EHMT1: variants seen among roughly 807,000 people sequenced by gnomAD.
EHMT1 encodes histone-lysine N-methyltransferase EHMT1.
Under a neutral mutation model 147.2 loss-of-function variants are expected in EHMT1, and 15 were observed. The ratio of observed to expected loss-of-function variants is 0.10; its 90% CI spans 0.07 to 0.16. EHMT1 has a LOEUF of 0.16. Among genes scored for constraint, EHMT1 ranks in the 10% least tolerant of loss-of-function variants. The probability of loss-of-function intolerance (pLI) is 1.00; values close to 1 mark genes in which losing one functional copy is unlikely to be tolerated. For synonymous variants in EHMT1, 795 were observed against 709.6 expected (o/e 1.12, Z -1.91); for missense variants, 1,587 against 1,772.4 (o/e 0.90, Z 1.88).
At chr9:137,634,441 G>A (rs1160155163) in intron 1 of EHMT1, among the ~76,000 whole-genome samples, 1 of 152,164 alleles carries the variant, frequency 6.6e-6, no homozygotes, top group Non-Finnish European at 1.5e-5. Flanking sequence ...TTGAAAATCA[G>A]TTGAACATAA....
intron 1 of EHMT1, among the ~76,000 whole-genome samples, chr9:137,683,911 T>A (rs1366707293): frequency 6.6e-6 from 1 of 152,168 alleles, no homozygotes; most frequent in Non-Finnish European, 1.5e-5. Context: ...ATGAGTTTGA[T>A]GTATATCCTT....
At chr9:137,735,331 A>G (rs1361757493) in intron 4 of EHMT1, among the ~76,000 whole-genome samples, 10 of 152,224 alleles carry the variant, frequency 6.6e-5, no homozygotes, top group Admixed American at 6.5e-4. Flanking sequence ...TTAAATTAGA[A>G]TGTTATTACT....
intron 1 of EHMT1, among the ~76,000 whole-genome samples, chr9:137,650,646 A>G (rs1421132466): frequency 6.8e-6 from 1 of 147,728 alleles, no homozygotes. Context: ...GAAGTCCCTT[A>G]TCAGATATAG....
At chr9:137,691,732 G>T (rs554787056) in intron 1 of EHMT1, among the ~76,000 whole-genome samples, 42 of 152,310 alleles carry the variant, frequency 2.8e-4, no homozygotes, top group African/African-American at 8.7e-4. Context: ...CAGCACGCAA[G>T]GGTTCCAGCT....
intron 1 of EHMT1, among the ~76,000 whole-genome samples, chr9:137,709,994 G>A (rs1451122065): frequency 6.6e-6 from 1 of 151,994 alleles, no homozygotes; most frequent in Non-Finnish European, 1.5e-5. Context: ...CCTCTTCCCC[G>A]GCCCCCAGCT....
chr9:137,775,028 C>G lies in EHMT1; in HGVS notation c.1648-81C>G. On this transcript the variant is annotated intron_variant, in intron 10 of 26. Coordinates refer to ENST00000460843, the MANE Select transcript of EHMT1 (RefSeq NM_024757.5). This position sits in a 1 kb window ranked among gnomAD's most constrained non-coding sequence, Gnocchi z 6.1. ...CACCTGCTGAGCAGCTCTTGTGTGCCTGCACTGCCCAGCGCCTGGTGGGAG... is the reference window on the plus strand; with the variant it reads ...CACCTGCTGAGCAGCTCTTGTGTGCGTGCACTGCCCAGCGCCTGGTGGGAG... The G allele has an allele frequency of 1.9e-6, 3 of 1,597,576 alleles. No individual in the cohort carries two copies. The highest frequency in any genetic ancestry group is 8.6e-7 in the Non-Finnish European group (1 of 1,166,992).
chr9:137,647,977 TG>T lies in EHMT1; in HGVS notation c.21+28931del, dbSNP rs1475054868. Among the ~76,000 whole-genome samples, 4 of 152,324 alleles carry T rather than the reference TG, an allele frequency of 2.6e-5. No individual in the cohort carries two copies. The East Asian group carries it at 7.7e-4, about 29-fold the overall frequency. On this transcript the variant is annotated intron_variant, in intron 1 of 26. Coordinates refer to ENST00000460843, the MANE Select transcript of EHMT1 (RefSeq NM_024757.5). ...CGTACTCTTTGCATTGACTGTATGC[TG>T]GGAAACCACTCTGCCCTTCCTTCCC... is the stretch of plus-strand genomic sequence containing the variant.
chr9:137,753,885 C>A (rs1949178857), intron 7 of EHMT1, among the ~76,000 whole-genome samples: 1 of 152,104 alleles, frequency 6.6e-6, no homozygotes, highest in African/African-American at 2.4e-5. Flanking sequence ...TAGAACTTTC[C>A]AATTTATTTA....
intron 1 of EHMT1, among the ~76,000 whole-genome samples, chr9:137,658,276 G>C (rs968173126): frequency 1.3e-5 from 2 of 152,082 alleles, no homozygotes; most frequent in African/African-American, 2.4e-5. Context: ...TCAGCCTCCT[G>C]AGTAGCTGGC....
chr9:137,764,696 C>T (rs1950100172), intron 10 of EHMT1: 1 of 152,216 alleles, frequency 6.6e-6, no homozygotes, highest in African/African-American at 2.4e-5. Flanking sequence ...GGTCTGTTGA[C>T]AAAATGCCTT....
chr9:137,673,163 T>C (rs1940872637), intron 1 of EHMT1, among the ~76,000 whole-genome samples: 2 of 152,166 alleles, frequency 1.3e-5, no homozygotes, highest in Non-Finnish European at 2.9e-5. Flanking sequence ...CATCTTAGAG[T>C]GACATCCTAG....
chr9:137,790,958 G>T lies in EHMT1; in HGVS notation c.2493G>T (p.Leu831=). Residue 831 remains leucine, a synonymous_variant, in exon 16 of 27, where the codon CTG becomes CTT. Coordinates refer to ENST00000460843, the MANE Select transcript of EHMT1 (RefSeq NM_024757.5). ...AGTACCTCATCAAGGCTGGGGCCCTGGTGGATCCCAAGGTATGTTCCCCTG... is the reference window on the plus strand; with the variant it reads ...AGTACCTCATCAAGGCTGGGGCCCTTGTGGATCCCAAGGTATGTTCCCCTG... ...AVKYLIKAGA[L]VDPKDAEGST... The T allele has an allele frequency of 6.2e-7, 1 of 1,614,190 alleles. No individual in the cohort carries two copies. The highest frequency in any genetic ancestry group is 8.5e-7 in the Non-Finnish European group (1 of 1,180,048).
chr9:137,651,824 C>T (rs996489510), intron 1 of EHMT1, among the ~76,000 whole-genome samples: 4 of 151,962 alleles, frequency 2.6e-5, no homozygotes, highest in East Asian at 1.9e-4. Context: ...GTAGTGGAGC[C>T]GAAAAGTTCC....
intron 1 of EHMT1, among the ~76,000 whole-genome samples, chr9:137,687,478 T>C (rs147248547): frequency 2.4e-4 from 37 of 152,108 alleles, no homozygotes; most frequent in African/African-American, 8.2e-4. Flanking sequence ...GTAGAGAGTT[T>C]AGGTGGAGGA....
At chr9:137,686,700 G>A (rs934147478) in intron 1 of EHMT1, among the ~76,000 whole-genome samples, 1 of 149,276 alleles carries the variant, frequency 6.7e-6, no homozygotes, top group African/African-American at 2.5e-5. Context: ...TTTATACATG[G>A]CATGAGGTAG....
intron 21 of EHMT1, among the ~76,000 whole-genome samples, chr9:137,814,056 G>GCCGC (rs1954715609): frequency 1.8e-4 from 9 of 50,064 alleles, no homozygotes; most frequent in South Asian, 6.4e-4. Context: ...CACTGCCCAG[G>GCCGC]CCCCCCCCCC....
chr9:137,628,126 C>T (rs913678040), intron 1 of EHMT1, among the ~76,000 whole-genome samples: 12 of 152,202 alleles, frequency 7.9e-5, no homozygotes, highest in Middle Eastern at 3.2e-3. Context: ...GAGTTTTGCC[C>T]GCATTCCCCT....
chr9:137,742,858 T>A (rs947019430), intron 4 of EHMT1: 1 of 198,146 alleles, frequency 5.0e-6, no homozygotes, highest in Non-Finnish European at 1.0e-5. Flanking sequence ...GGGGTGGACC[T>A]GGCACAGAGC....
rs199688689 is a variant in EHMT1 at position 137,717,131 on chromosome 9, C to T, written c.591C>T (p.Asp197=). The change falls in exon 3 of 27, where the codon GAC becomes GAT. Residue 197 remains aspartate (D), a synonymous_variant. Coordinates refer to ENST00000460843, the MANE Select transcript of EHMT1 (RefSeq NM_024757.5). ...GGAAGCTCCCGGCCCCTGGCGCCGA[C>T]GTCAAGGTCCACAGGGCACGCAAGA... ...EDRKLPAPGA[D]VKVHRARKTM... 1.9e-5 allele frequency: 31 copies of T among 1,612,522 alleles called. No individual in the cohort carries two copies. Among genetic ancestry groups the T allele is most frequent in the Middle Eastern group, 3.3e-4 (2 of 6,042 alleles).
Sources: allele counts gnomAD v4.1 joint callset (sites outside exome capture counted in the v4.1 genomes callset), GRCh38; gene constraint gnomAD v4.1.1; non-coding constraint Gnocchi (gnomAD v3.1); transcripts MANE v1.5; gene names NCBI Gene and HGNC (gene_info 2026-07-23, HGNC 2026-07-21).